Variants in FAM13C observed in about 807,000 individuals in gnomAD.
FAM13C encodes family with sequence similarity 13 member C.
Under a neutral mutation model 73.2 loss-of-function variants are expected in FAM13C, and 37 were observed. The ratio of observed to expected loss-of-function variants is 0.51; its 90% CI spans 0.39 to 0.67. The LOEUF is 0.67. FAM13C is among the 30% of genes least tolerant of loss of function. The pLI is 0.00. For synonymous variants in FAM13C, 246 were observed against 260.9 expected, an observed-to-expected ratio of 0.94 and a Z score of 0.55; for missense variants, 589 against 715.6, an observed-to-expected ratio of 0.82 and a Z score of 2.02.
intron 5 of FAM13C, among the ~76,000 whole-genome samples, chr10:59,284,327 C>T (rs914025148): frequency 6.6e-6 from 1 of 151,986 alleles, no homozygotes; most frequent in Admixed American, 6.5e-5. Flanking sequence ...AGTGAGTCAG[C>T]CTGAGTCCCT....
intron 2 of FAM13C, among the ~76,000 whole-genome samples, 155 bp from the exon 3 acceptor site, chr10:59,352,629 A>C (rs1174520449): frequency 6.6e-6 from 1 of 152,194 alleles, no homozygotes; most frequent in Non-Finnish European, 1.5e-5. Context: ...TGCATGAACA[A>C]AAACTTAAAT....
intron 3 of FAM13C, among the ~76,000 whole-genome samples, chr10:59,338,006 T>TTTCCCCAGGACAGATAACATGCC (rs1852972099): frequency 6.6e-6 from 1 of 152,146 alleles, no homozygotes; most frequent in African/African-American, 2.4e-5. Context: ...ATTCTCACTG[T>TTTCCCCAGGACAGATAACATGCC]TGTCATAATG....
intron 12 of FAM13C, among the ~76,000 whole-genome samples, chr10:59,252,372 C>T (rs776702913): frequency 1.3e-5 from 2 of 152,052 alleles, no homozygotes; most frequent in Non-Finnish European, 2.9e-5. Context: ...TGCTTTAGAA[C>T]CACCACCAAA....
intron 3 of FAM13C, among the ~76,000 whole-genome samples, chr10:59,329,677 T>C (rs1258811442): frequency 6.6e-6 from 1 of 152,144 alleles, no homozygotes; most frequent in Non-Finnish European, 1.5e-5. Context: ...TTTTTTAAGC[T>C]GTAATATGTA....
intron 5 of FAM13C, among the ~76,000 whole-genome samples, chr10:59,290,677 T>C (rs1846118018): frequency 6.6e-6 from 1 of 152,168 alleles, no homozygotes; most frequent in Non-Finnish European, 1.5e-5. Context: ...GCATCTTGTT[T>C]ATTTCCTTCA....
chr10:59,291,308 G>A (rs1846193580), intron 5 of FAM13C, among the ~76,000 whole-genome samples: 1 of 152,112 alleles, frequency 6.6e-6, no homozygotes, highest in African/African-American at 2.4e-5. Context: ...TCCCAATGTC[G>A]ACCATTACAA....
chr10:59,310,990 C>T (rs959374698), intron 4 of FAM13C, among the ~76,000 whole-genome samples: 2 of 152,166 alleles, frequency 1.3e-5, no homozygotes, highest in East Asian at 1.9e-4. Context: ...GTGGCTAAAA[C>T]GTGCAAGGGA....
Position 59,247,558 on chromosome 10 carries a change from G to T in FAM13C, c.*56C>A. ...AAACTACTTAGCAAGGATGGCAGAG[G>T]AAAATAAACTTTACTTTATATCATG... On this transcript the variant is annotated 3_prime_UTR_variant, in exon 14 of 14. Coordinates refer to ENST00000618804, the MANE Select transcript of FAM13C (RefSeq NM_198215.4). 6.2e-7 allele frequency: 1 copy of T among 1,606,564 alleles called. No individual in the cohort carries two copies. The highest frequency in any genetic ancestry group is 8.5e-7 in the Non-Finnish European group (1 of 1,176,072).
intron 13 of FAM13C, among the ~76,000 whole-genome samples, chr10:59,249,692 A>G (rs958067079): frequency 1.3e-5 from 2 of 152,134 alleles, no homozygotes; most frequent in Non-Finnish European, 2.9e-5. Flanking sequence ...TCTTAGATAA[A>G]CAAAATTAAG....
chr10:59,292,063 C>T (rs1216405584), intron 5 of FAM13C, among the ~76,000 whole-genome samples: 1 of 152,160 alleles, frequency 6.6e-6, no homozygotes, highest in Non-Finnish European at 1.5e-5. Flanking sequence ...GCTGGGATTA[C>T]ACGTGTGAGC....
intron 3 of FAM13C, among the ~76,000 whole-genome samples, chr10:59,340,160 T>C (rs183160249): frequency 3.3e-5 from 5 of 152,308 alleles, no homozygotes; most frequent in South Asian, 2.1e-4. Context: ...ATAATGAACA[T>C]TTCAATTACA....
chr10:59,326,410 A>G (rs1015461430), intron 3 of FAM13C, among the ~76,000 whole-genome samples: 25 of 152,252 alleles, frequency 1.6e-4, no homozygotes, highest in African/African-American at 6.0e-4. Context: ...GGTACAAATC[A>G]TCCTGAATAC....
At chr10:59,341,047 C>G (rs1200461775) in intron 3 of FAM13C, among the ~76,000 whole-genome samples, 1 of 152,026 alleles carries the variant, frequency 6.6e-6, no homozygotes, top group Non-Finnish European at 1.5e-5. Context: ...GCGTAATGCC[C>G]TCCTGTGGAT....
chr10:59,294,235 A>G (rs891843153), intron 5 of FAM13C, among the ~76,000 whole-genome samples: 2 of 152,254 alleles, frequency 1.3e-5, no homozygotes, highest in Non-Finnish European at 2.9e-5. Context: ...AGTTCCTTCC[A>G]GCCTTACATG....
intron 5 of FAM13C, among the ~76,000 whole-genome samples, chr10:59,294,831 G>A (rs1053413976): frequency 6.6e-6 from 1 of 152,214 alleles, no homozygotes; most frequent in Non-Finnish European, 1.5e-5. Flanking sequence ...GGGGAGCAAG[G>A]TGACTCTACC....
In FAM13C at chr10:59,256,502, A is replaced by G. The variant is rs145009949; in HGVS notation, c.1237-2059T>C. 2.2e-3 allele frequency among the ~76,000 whole-genome samples: 335 copies of G among 152,222 alleles called. 2 individuals carry two copies. The highest frequency in any genetic ancestry group is 7.2e-3 in the African/African-American group (298 of 41,538). ...ATTCGGGAACAAGTACAATGTATGCACTCCTTTTTCACTTTGATTCCGTTG... is the reference window on the plus strand; with the variant it reads ...ATTCGGGAACAAGTACAATGTATGCGCTCCTTTTTCACTTTGATTCCGTTG... On this transcript the variant is annotated intron_variant, in intron 10 of 13. Coordinates refer to ENST00000618804, the MANE Select transcript of FAM13C (RefSeq NM_198215.4).
chr10:59,314,429 T>A (rs919768310), intron 4 of FAM13C, among the ~76,000 whole-genome samples: 1 of 152,192 alleles, frequency 6.6e-6, no homozygotes, highest in African/African-American at 2.4e-5. Flanking sequence ...GGTTAGGGAA[T>A]CTGTCCAAGG....
At chr10:59,250,951 T>G (rs977261330) in intron 13 of FAM13C, among the ~76,000 whole-genome samples, 3 of 152,170 alleles carry the variant, frequency 2.0e-5, no homozygotes, top group African/African-American at 2.4e-5. Context: ...ATCAATAACC[T>G]TATCTCTTGA....
Position 59,269,939 on chromosome 10 carries a change from C to T in FAM13C, c.763G>A (p.Glu255Lys). 1.9e-6 allele frequency: 3 copies of T among 1,613,902 alleles called. No homozygotes were observed. The highest frequency in any genetic ancestry group is 1.1e-5 in the South Asian group (1 of 91,074). The stretch of plus-strand genomic sequence containing the variant: ...GTGCTGGGTGGAGATGGGGCTGACT[C>T]GGGGTCTAAGTTGAATCTCTGGCTT... ...SQSQRFNLDP[E>K]SAPSPPSTQQ... The change falls in exon 7 of 14, where the codon GAG (glutamate) becomes AAG (lysine). Residue 255 changes from glutamate (E) to lysine (K), a missense_variant. Physicochemically the swap from Glu to Lys is moderately conservative, Grantham distance 56. Transcript: ENST00000618804.
Sources: allele counts gnomAD v4.1 joint callset (sites outside exome capture counted in the v4.1 genomes callset), GRCh38; gene constraint gnomAD v4.1.1; transcripts MANE v1.5; gene names NCBI Gene and HGNC (gene_info 2026-07-23, HGNC 2026-07-21).